MAP7: variants seen among roughly 807,000 people sequenced by gnomAD.
MAP7 encodes microtubule associated protein 7.
Under a neutral mutation model 94.8 loss-of-function variants are expected in MAP7, and 52 were observed. The observed-to-expected ratio is 0.55, with a 90% confidence interval of 0.44 to 0.69. The LOEUF (loss-of-function observed/expected upper bound fraction) is 0.69, where lower values mean the gene tolerates loss of function less well. Ranked by LOEUF, MAP7 falls within the 30% of genes least tolerant of loss-of-function variation. The pLI, the probability that MAP7 is intolerant of heterozygous loss-of-function variation, is 0.00. For synonymous variants in MAP7, 350 were observed against 357.0 expected, an observed-to-expected ratio of 0.98 and a Z score of 0.22; for missense variants, 940 against 964.6, an observed-to-expected ratio of 0.97 and a Z score of 0.34.
chr6:136,377,746 C>T lies in MAP7; in HGVS notation c.751+9G>A. ...CCTCATGGGGAAAGTTCCACCTGGA[C>T]AGTTTTACCTGCTTCTCCAGACAAG... On this transcript the variant is annotated intron_variant, in intron 7 of 17. Coordinates refer to ENST00000354570, the MANE Select transcript of MAP7 (RefSeq NM_003980.6). The T allele has an allele frequency of 1.2e-6, 2 of 1,608,956 alleles. No individual in the cohort carries two copies. Among genetic ancestry groups the T allele is most frequent in the Non-Finnish European group, 1.7e-6 (2 of 1,175,408 alleles).
chr6:136,505,456 C>T (rs1821249264), intron 1 of MAP7, among the ~76,000 whole-genome samples: 1 of 151,290 alleles, frequency 6.6e-6, no homozygotes, highest in South Asian at 2.1e-4. Context: ...TGTAAAAGTA[C>T]TGTTTGCCTC....
chr6:136,503,533 G>A (rs1820455826), intron 1 of MAP7, among the ~76,000 whole-genome samples: 1 of 152,052 alleles, frequency 6.6e-6, no homozygotes. Context: ...CTCCCCCAGT[G>A]ACTCGGCATA....
intron 1 of MAP7, among the ~76,000 whole-genome samples, chr6:136,440,925 C>T (rs1797670344): frequency 6.6e-6 from 1 of 152,156 alleles, no homozygotes; most frequent in South Asian, 2.1e-4. Flanking sequence ...TTACACTCCA[C>T]ATAACAACAA....
At chr6:136,445,715 A>G (rs1799125622) in intron 1 of MAP7, among the ~76,000 whole-genome samples, 1 of 152,214 alleles carries the variant, frequency 6.6e-6, no homozygotes, top group Non-Finnish European at 1.5e-5. Flanking sequence ...ATAGCCAGCA[A>G]AAGCTCAGTT....
At chr6:136,385,135 A>T (rs1008222894) in intron 5 of MAP7, among the ~76,000 whole-genome samples, 2 of 152,196 alleles carry the variant, frequency 1.3e-5, no homozygotes, top group Non-Finnish European at 2.9e-5. Flanking sequence ...AGTAAGAAAA[A>T]ATTGCTGCAA....
intron 5 of MAP7, among the ~76,000 whole-genome samples, chr6:136,385,968 T>A (rs113399419): frequency 0.017 from 2,526 of 152,112 alleles, 41 homozygotes; most frequent in East Asian, 0.039. Flanking sequence ...ATATGATTTC[T>A]CCATGTTGAC....
chr6:136,374,315 C>A (rs1775451466), intron 7 of MAP7, among the ~76,000 whole-genome samples: 1 of 152,150 alleles, frequency 6.6e-6, no homozygotes, highest in Non-Finnish European at 1.5e-5. Flanking sequence ...TTCTCAAGCG[C>A]CACAACAAGG....
chr6:136,463,695 C>T (rs538884690), intron 1 of MAP7, among the ~76,000 whole-genome samples: 1 of 152,012 alleles, frequency 6.6e-6, no homozygotes, highest in African/African-American at 2.4e-5. Flanking sequence ...GCATAACTTC[C>T]TTGATCATCT....
chr6:136,544,587 C>A (rs186912613), intron 1 of MAP7, among the ~76,000 whole-genome samples: 1 of 152,268 alleles, frequency 6.6e-6, no homozygotes, highest in East Asian at 1.9e-4. Context: ...CTTTACAGGT[C>A]GTCTCACCCC....
At chr6:136,441,162 G>C (rs773624753) in intron 1 of MAP7, among the ~76,000 whole-genome samples, 18 of 152,178 alleles carry the variant, frequency 1.2e-4, no homozygotes, top group Non-Finnish European at 2.6e-4. Context: ...TCAGAGTTGA[G>C]AGATCTCTTC....
chr6:136,466,670 T>A, intron 1 of MAP7: 1 of 1,273,586 alleles, frequency 7.9e-7, no homozygotes, highest in Non-Finnish European at 1.1e-6. Context: ...TTGTTATAAG[T>A]ATTAATTTGT....
At chr6:136,497,832 A>G (rs2129003638) in intron 1 of MAP7, among the ~76,000 whole-genome samples, 1 of 150,530 alleles carries the variant, frequency 6.6e-6, no homozygotes, top group African/African-American at 2.5e-5. Flanking sequence ...AAGCAGATTC[A>G]CTGAGCCAGA....
chr6:136,345,627 G>A (rs537830450), intron 17 of MAP7, among the ~76,000 whole-genome samples: 25 of 152,162 alleles, frequency 1.6e-4, no homozygotes, highest in Admixed American at 1.1e-3. Flanking sequence ...TGGGTGCTGC[G>A]GACTGGACTT....
intron 6 of MAP7, among the ~76,000 whole-genome samples, chr6:136,379,392 A>G (rs1237818156): frequency 6.6e-6 from 1 of 152,170 alleles, no homozygotes; most frequent in African/African-American, 2.4e-5. Flanking sequence ...GTTAAATTAA[A>G]TATTATCTGA....
intron 3 of MAP7, among the ~76,000 whole-genome samples, chr6:136,404,101 A>G (rs1784938543): frequency 6.6e-6 from 1 of 152,202 alleles, no homozygotes; most frequent in African/African-American, 2.4e-5. Flanking sequence ...TCTTGTTAAA[A>G]CCAACAGCCA....
intron 1 of MAP7, among the ~76,000 whole-genome samples, chr6:136,473,254 T>C (rs1211069788): frequency 6.6e-6 from 1 of 152,202 alleles, no homozygotes; most frequent in Admixed American, 6.5e-5. Context: ...ACAGCATTAC[T>C]GCAGGAGGAG....
intron 1 of MAP7, among the ~76,000 whole-genome samples, chr6:136,512,622 C>A (rs576062221): frequency 3.9e-4 from 60 of 152,216 alleles, no homozygotes; most frequent in African/African-American, 1.4e-3. Context: ...GTTTTCGTTA[C>A]GCTGTAGTCT....
At chr6:136,371,249 A>C (rs1774408904) in intron 8 of MAP7, among the ~76,000 whole-genome samples, 1 of 152,188 alleles carries the variant, frequency 6.6e-6, no homozygotes, top group Non-Finnish European at 1.5e-5. Context: ...TTTTGTTTTT[A>C]CCCAGAACAA....
At chr6:136,344,477 AG>A (rs1209128401) in intron 17 of MAP7, among the ~76,000 whole-genome samples, 1 of 152,136 alleles carries the variant, frequency 6.6e-6, no homozygotes, top group Non-Finnish European at 1.5e-5. Context: ...CATTTTTCCA[AG>A]TGGCATACAC....
Sources: allele counts gnomAD v4.1 joint callset (sites outside exome capture counted in the v4.1 genomes callset), GRCh38; gene constraint gnomAD v4.1.1; transcripts MANE v1.5; gene names NCBI Gene and HGNC (gene_info 2026-07-23, HGNC 2026-07-21).